IGSF11: variants seen among roughly 807,000 people sequenced by gnomAD.
IGSF11 encodes immunoglobulin superfamily member 11.
IGSF11 carries 22 observed loss-of-function variants against 41.0 expected under a neutral mutation model. The observed-to-expected ratio is 0.54, with a 90% CI of 0.38 to 0.77. The LOEUF is 0.77. IGSF11 is among the 30% of genes least tolerant of loss of function. The pLI is 0.00. For missense variants in IGSF11, 444 were observed against 530.8 expected (o/e 0.84, Z 1.61); for synonymous variants, 219 against 201.3 (o/e 1.09, Z -0.74).
At chr3:119,111,907 A>G (rs1301764694) in intron 1 of IGSF11, among the ~76,000 whole-genome samples, 1 of 152,106 alleles carries the variant, frequency 6.6e-6, no homozygotes, top group East Asian at 1.9e-4. Context: ...AGACCAGCGG[A>G]TTTTCGTGAA....
At chr3:119,137,388 C>A (rs115633486) in intron 1 of IGSF11, among the ~76,000 whole-genome samples, 1,738 of 152,200 alleles carry the variant, frequency 0.011, 23 homozygotes, top group African/African-American at 0.04. Context: ...ACCAGAGGAA[C>A]AGAATAGAAA....
intron 1 of IGSF11, among the ~76,000 whole-genome samples, chr3:119,048,291 C>A (rs1220843981): frequency 6.6e-6 from 1 of 151,450 alleles, no homozygotes; most frequent in South Asian, 2.1e-4. Context: ...ATCAAATAGA[C>A]GCAATAAAAA....
chr3:118,936,876 C>T (rs1177186304), intron 1 of IGSF11, among the ~76,000 whole-genome samples: 1 of 152,208 alleles, frequency 6.6e-6, no homozygotes, highest in Non-Finnish European at 1.5e-5. Flanking sequence ...ATCCACACTA[C>T]ACAGCCAAGA....
intron 1 of IGSF11, among the ~76,000 whole-genome samples, chr3:119,125,509 C>T (rs1437031155): frequency 6.6e-6 from 1 of 151,894 alleles, no homozygotes; most frequent in African/African-American, 2.4e-5. Flanking sequence ...TTAAAAAGTA[C>T]ATTCACAAGG....
chr3:119,098,911 T>A (rs1007779056), intron 1 of IGSF11, among the ~76,000 whole-genome samples: 1 of 151,848 alleles, frequency 6.6e-6, no homozygotes, highest in African/African-American at 2.4e-5. Context: ...CTGTCTCACA[T>A]GTTTTCAGAA....
intron 1 of IGSF11, among the ~76,000 whole-genome samples, chr3:118,970,418 T>C (rs578242860): frequency 1.3e-5 from 2 of 152,236 alleles, no homozygotes; most frequent in East Asian, 3.9e-4. Flanking sequence ...GAAATAAATA[T>C]GTATATTTAG....
intron 1 of IGSF11, among the ~76,000 whole-genome samples, chr3:119,007,581 G>T (rs1205173878): frequency 6.6e-6 from 1 of 152,012 alleles, no homozygotes; most frequent in African/African-American, 2.4e-5. Context: ...TAAATTGAAG[G>T]AATTCTCCCC....
intron 1 of IGSF11, among the ~76,000 whole-genome samples, chr3:119,049,310 C>T (rs1405323617): frequency 6.6e-6 from 1 of 150,866 alleles, no homozygotes; most frequent in Non-Finnish European, 1.5e-5. Context: ...TCTCAGGATA[C>T]AAAATCAATG....
intron 1 of IGSF11, among the ~76,000 whole-genome samples, chr3:118,990,320 A>G (rs906253358): frequency 2.0e-5 from 3 of 152,248 alleles, no homozygotes; most frequent in African/African-American, 7.2e-5. Flanking sequence ...AACCTGCATT[A>G]TATCAAGGAA....
chr3:119,117,388 T>C (rs945802021), intron 1 of IGSF11, among the ~76,000 whole-genome samples: 2 of 152,194 alleles, frequency 1.3e-5, no homozygotes, highest in Non-Finnish European at 2.9e-5. Flanking sequence ...GCAACTCACG[T>C]CTTACATGGA....
chr3:119,137,859 T>G (rs191034560), intron 1 of IGSF11, among the ~76,000 whole-genome samples: 1 of 152,044 alleles, frequency 6.6e-6, no homozygotes, highest in African/African-American at 2.4e-5. Context: ...AACAACTCTA[T>G]TGGAAAAAAT....
At chr3:118,935,051 A>T (rs997978012) in intron 1 of IGSF11, among the ~76,000 whole-genome samples, 1 of 151,896 alleles carries the variant, frequency 6.6e-6, no homozygotes, top group African/African-American at 2.4e-5. Context: ...TCTAGGTCAG[A>T]GTCTCACAAA....
chr3:118,936,430 C>T (rs9836642), intron 1 of IGSF11, among the ~76,000 whole-genome samples: 11,732 of 151,312 alleles, frequency 0.078, 644 homozygotes, highest in Admixed American at 0.16. Flanking sequence ...TCGCTTTAAC[C>T]TGGGAGGTAG....
At chr3:119,050,103 T>G (rs1367539269) in intron 1 of IGSF11, among the ~76,000 whole-genome samples, 3 of 149,376 alleles carry the variant, frequency 2.0e-5, no homozygotes, top group Non-Finnish European at 3.0e-5. Flanking sequence ...GGACTTCATG[T>G]CTAAAACACC....
chr3:119,130,433 GC>G (rs1400087409), intron 1 of IGSF11, among the ~76,000 whole-genome samples: 1 of 152,208 alleles, frequency 6.6e-6, no homozygotes, highest in Admixed American at 6.5e-5. Context: ...CAGGTCTCAT[GC>G]CCACAGAGCC....
intron 1 of IGSF11, among the ~76,000 whole-genome samples, chr3:118,965,161 T>C (rs74472886): frequency 0.054 from 8,228 of 152,152 alleles, 347 homozygotes; most frequent in Admixed American, 0.15. Flanking sequence ...AATAAACATA[T>C]AAAAATATAC....
intron 1 of IGSF11, among the ~76,000 whole-genome samples, chr3:118,983,833 AG>A (rs1489649758): frequency 2.0e-5 from 3 of 152,206 alleles, no homozygotes; most frequent in African/African-American, 7.2e-5. Context: ...GGGTAAAAAA[AG>A]TAATATAATT....
intron 1 of IGSF11, among the ~76,000 whole-genome samples, chr3:119,119,904 T>C (rs2077309819): frequency 6.6e-6 from 1 of 152,226 alleles, no homozygotes; most frequent in Admixed American, 6.5e-5. Flanking sequence ...TGAATGACTT[T>C]GACAGCACCC....
chr3:118,955,991 G>C (rs929089478), intron 1 of IGSF11, among the ~76,000 whole-genome samples: 2 of 152,166 alleles, frequency 1.3e-5, no homozygotes, highest in African/African-American at 4.8e-5. Context: ...ATCTTAGCTA[G>C]AACTTCTGCA....
Sources: gnomAD v4.1 joint callset for allele counts (sites outside exome capture counted in the v4.1 genomes callset) on GRCh38, gnomAD v4.1.1 for gene constraint, MANE v1.5 for transcripts, NCBI Gene and HGNC (gene_info 2026-07-23, HGNC 2026-07-21) for gene names.